PRKD3: variants seen among roughly 807,000 people sequenced by gnomAD.
PRKD3 encodes serine/threonine-protein kinase D3.
In PRKD3, 47 loss-of-function variants were observed where a neutral mutation model predicts 99.2. That is an observed-to-expected ratio of 0.47 (90% CI 0.38 to 0.60). The LOEUF is 0.60. Ranked by LOEUF, PRKD3 falls within the 20% of genes least tolerant of loss-of-function variation. PRKD3 has a pLI of 0.00. For missense variants in PRKD3, 1,019 were observed against 1,088.4 expected, an observed-to-expected ratio of 0.94 and a Z score of 0.90; for synonymous variants, 392 against 355.4, an observed-to-expected ratio of 1.10 and a Z score of -1.16.
chr2:37,265,074 G>A (rs978882094), intron 14 of PRKD3, among the ~76,000 whole-genome samples: 2 of 152,164 alleles, frequency 1.3e-5, no homozygotes, highest in Non-Finnish European at 1.5e-5. Flanking sequence ...AGCTATGGAC[G>A]CCTCTAGGGA....
chr2:37,259,053 A>G (rs77459515), intron 16 of PRKD3, among the ~76,000 whole-genome samples: 14 of 23,554 alleles, frequency 5.9e-4, no homozygotes, highest in Admixed American at 5.4e-3. Context: ...GAACACTTGG[A>G]AAAAAAAAAA....
In PRKD3 at chr2:37,274,442, G is replaced by C; in HGVS notation, c.1630C>G (p.Pro544Ala). Residue 544 changes from proline (P) to alanine (A), a missense_variant, in exon 11 of 19, where the codon CCA becomes GCA. By Grantham distance (27) the Pro-to-Ala change is conservative (BLOSUM62 -1). Around this residue, in one of 3 missense-constraint regions of PRKD3, gnomAD observed 710 missense variants for 692.7 expected, o/e 1.02. Transcript: ENST00000234179. Reference protein sequence around the residue: ...VTPQASVCTSPGQGKDHKDLS... With the variant: ...VTPQASVCTSAGQGKDHKDLS... Reference sequence around the variant, plus strand: ...TTACTGTGATCTTTCCCTTGCCCTGGAGAAGTGCAAACACTTGCTTGAGGA... The same window carrying C: ...TTACTGTGATCTTTCCCTTGCCCTGCAGAAGTGCAAACACTTGCTTGAGGA... 4 of 1,614,122 alleles carry C rather than the reference G, an allele frequency of 2.5e-6. No individual in the cohort carries two copies. The highest frequency in any genetic ancestry group is 2.5e-6 in the Non-Finnish European group (3 of 1,179,980).
Position 37,257,803 on chromosome 2 carries a change from T to G in PRKD3, c.2146-874A>C, listed in dbSNP as rs576698560. The stretch of plus-strand genomic sequence containing the variant: ...AAACTGAGGTGTATTAAAGGTAATT[T>G]TAAATGGGGACACCAGTGGAATAAT... On this transcript the variant is annotated intron_variant, in intron 16 of 18. Coordinates refer to ENST00000234179, the MANE Select transcript of PRKD3 (RefSeq NM_005813.6). Among the ~76,000 whole-genome samples, 7 of 152,246 alleles carry G rather than the reference T, an allele frequency of 4.6e-5. No individual in the cohort carries two copies. In the South Asian group the frequency reaches 1.5e-3, roughly 32 times the overall value.
At chr2:37,254,328 G>T in intron 17 of PRKD3, 39 bp from the exon 18 acceptor site, 1 of 1,510,174 alleles carries the variant, frequency 6.6e-7, no homozygotes, top group Non-Finnish European at 9.2e-7. Flanking sequence ...GAATTTGGGT[G>T]CACAGAGTAC....
intron 2 of PRKD3, among the ~76,000 whole-genome samples, chr2:37,307,923 A>T (rs1224154332): frequency 6.6e-6 from 1 of 152,218 alleles, no homozygotes. Context: ...GTTAGAATTT[A>T]ATCTAGTTTT....
rs374152563 is a variant in PRKD3 at position 37,273,363 on chromosome 2, C to T, written c.1652-931G>A. Among the ~76,000 whole-genome samples the T allele has an allele frequency of 2.6e-5, 4 of 152,164 alleles. No homozygotes were observed. In the South Asian group the frequency reaches 6.2e-4, roughly 24 times the overall value. On this transcript the variant is annotated intron_variant, in intron 11 of 18. Transcript: ENST00000234179. Reference sequence around the variant, plus strand: ...CCAACCCCAAATCAGTACTGAACACCAAACATGTACACAGTTGTCATGATC... The same window carrying T: ...CCAACCCCAAATCAGTACTGAACACTAAACATGTACACAGTTGTCATGATC...
intron 2 of PRKD3, among the ~76,000 whole-genome samples, chr2:37,300,425 C>T (rs781312384): frequency 2.6e-5 from 4 of 152,200 alleles, no homozygotes; most frequent in African/African-American, 9.6e-5. Flanking sequence ...TACAAAACTA[C>T]AGTTAGATAG....
At chr2:37,300,926 A>C (rs75913591) in intron 2 of PRKD3, among the ~76,000 whole-genome samples, 3,386 of 152,336 alleles carry the variant, frequency 0.022, 57 homozygotes, top group Middle Eastern at 0.051. Context: ...TAATATATTG[A>C]GTATGTACTT....
chr2:37,269,303 C>G, intron 13 of PRKD3: 1 of 314,232 alleles, frequency 3.2e-6, no homozygotes, highest in South Asian at 3.8e-5. Context: ...ATGAATAAGC[C>G]CACTCAGCCC....
At chr2:37,300,268 G>A (rs1670861863) in intron 2 of PRKD3, among the ~76,000 whole-genome samples, 1 of 152,080 alleles carries the variant, frequency 6.6e-6, no homozygotes, top group Non-Finnish European at 1.5e-5. Context: ...AAATAAGCCA[G>A]GCACAGAAAG....
At chr2:37,279,684 C>A in intron 8 of PRKD3, 62 bp downstream of exon 8, 1 of 1,359,566 alleles carries the variant, frequency 7.4e-7, no homozygotes, top group East Asian at 2.6e-5. Flanking sequence ...GTGGCTTTTT[C>A]TTAATGAGAT....
chr2:37,256,887 T>C lies in PRKD3; in HGVS notation c.2188A>G (p.Lys730Glu). 2 of 1,614,000 alleles carry C rather than the reference T, an allele frequency of 1.2e-6. No individual in the cohort carries two copies. The highest frequency in any genetic ancestry group is 1.7e-6 in the Non-Finnish European group (2 of 1,179,990). ...DFGFARIIGE[K>E]SFRRSVVGTP... Reference sequence around the variant, plus strand: ...CCTACCACAGATCTCCTGAATGACTTTTCACCAATGATGCGTGCAAATCCA... The same window carrying C: ...CCTACCACAGATCTCCTGAATGACTCTTCACCAATGATGCGTGCAAATCCA... Residue 730 changes from lysine (K) to glutamate (E), a missense_variant, in exon 17 of 19, where the codon AAG (lysine) becomes GAG (glutamate). By Grantham distance (56) the Lys-to-Glu change is moderately conservative (BLOSUM62 1). Coordinates refer to ENST00000234179, the MANE Select transcript of PRKD3 (RefSeq NM_005813.6).
rs143440093 is a variant in PRKD3, at chr2:37,252,847, T to TTTTTATATA, written c.*329_*330insTATATAAAA. 2.1e-5 allele frequency: 3 copies of TTTTTATATA among 145,014 alleles called. No homozygotes were observed. The highest frequency in any genetic ancestry group is 4.5e-5 in the Non-Finnish European group (3 of 66,512). The allele number at this position is 145,014 out of a possible 1,614,324, so 9.0% of individuals were successfully genotyped here. A position where few individuals can be genotyped will look rare whatever the true frequency, so the allele number is the denominator to read the frequency against. Reference sequence around the variant, plus strand: ...AAAACAAACAAACATATATTTATATTTATATATATATATATAAAGAGAAAT... The same window carrying TTTTTATATA: ...AAAACAAACAAACATATATTTATATTTTTTATATATATATATATATATATAAAGAGAAAT... On this transcript the variant is annotated 3_prime_UTR_variant, in exon 19 of 19. Transcript: ENST00000234179.
chr2:37,285,307 C>T (rs1670038570), intron 6 of PRKD3, among the ~76,000 whole-genome samples: 1 of 152,074 alleles, frequency 6.6e-6, no homozygotes, highest in Admixed American at 6.5e-5. Flanking sequence ...AGCATAAAAG[C>T]ATTATATAAC....
chr2:37,324,245 C>G, intron 1 of PRKD3: 1 of 985,548 alleles, frequency 1.0e-6, no homozygotes, highest in Non-Finnish European at 1.2e-6. Context: ...AACGAAAAAG[C>G]TGGTCCAAAA....
In PRKD3 at chr2:37,280,807, C is replaced by T. The variant is rs904137680; in HGVS notation, c.989-878G>A. ...CTTCTGTGCTACAAACAACACCTTA[C>T]GAAGTGAAATGAAAGCCCATAGAAT... On this transcript the variant is annotated intron_variant, in intron 7 of 18. Coordinates refer to ENST00000234179, the MANE Select transcript of PRKD3 (RefSeq NM_005813.6). 6.6e-5 allele frequency among the ~76,000 whole-genome samples: 10 copies of T among 152,032 alleles called. No individual in the cohort carries two copies. In the South Asian group the frequency reaches 8.3e-4, roughly 13 times the overall value.
rs778396833 is a variant in PRKD3 at position 37,316,600 on chromosome 2, A to C, written c.-76T>G. On this transcript the variant is annotated 5_prime_UTR_variant, in exon 2 of 19. Transcript: ENST00000234179. Reference sequence around the variant, plus strand: ...ATGAAGAGGTTTTTAAAATAACAGCAGTAAAGAAAATGACCGCACTTTTGG... The same window carrying C: ...ATGAAGAGGTTTTTAAAATAACAGCCGTAAAGAAAATGACCGCACTTTTGG... 7.2e-6 allele frequency: 11 copies of C among 1,526,334 alleles called. No individual in the cohort carries two copies. The highest frequency in any genetic ancestry group is 4.4e-5 in the Admixed American group (2 of 45,390). 94.5% of individuals were successfully genotyped at this position (1,526,334 alleles called of 1,614,324 possible). A position where few individuals can be genotyped will look rare whatever the true frequency, so the allele number is the denominator to read the frequency against.
At chr2:37,294,802 C>T (rs1339156576) in intron 2 of PRKD3, among the ~76,000 whole-genome samples, 1 of 152,194 alleles carries the variant, frequency 6.6e-6, no homozygotes, top group Non-Finnish European at 1.5e-5. Flanking sequence ...AGGCCAGATG[C>T]ACTGGCTCAT....
chr2:37,297,258 C>T (rs982990321), intron 2 of PRKD3, among the ~76,000 whole-genome samples: 3 of 151,952 alleles, frequency 2.0e-5, no homozygotes, highest in Non-Finnish European at 4.4e-5. Context: ...GAGGAATAGG[C>T]GGCGAACACC....
Sources: allele counts gnomAD v4.1 joint callset (sites outside exome capture counted in the v4.1 genomes callset), GRCh38; gene constraint gnomAD v4.1.1; regional missense constraint gnomAD v4.1.1; transcripts MANE v1.5; gene names NCBI Gene and HGNC (gene_info 2026-07-23, HGNC 2026-07-21).